ANO4: variants seen among roughly 807,000 people sequenced by gnomAD.
ANO4 encodes anoctamin-4.
A neutral mutation model predicts 141.9 loss-of-function variants in ANO4; 69 were observed. That is an observed-to-expected ratio of 0.49 (90% CI 0.40 to 0.59). The LOEUF is 0.59. ANO4 is among the 20% of genes least tolerant of loss of function. The pLI, the probability that ANO4 is intolerant of heterozygous loss-of-function variation, is 0.00. For synonymous variants in ANO4, 350 were observed against 394.3 expected, an observed-to-expected ratio of 0.89 and a Z score of 1.33; for missense variants, 894 against 1,162.2, an observed-to-expected ratio of 0.77 and a Z score of 3.36.
At chr12:100,992,447 C>A (rs950721712) in intron 8 of ANO4, among the ~76,000 whole-genome samples, 2 of 152,144 alleles carry the variant, frequency 1.3e-5, no homozygotes, top group African/African-American at 4.8e-5. Flanking sequence ...GAATTCTCTT[C>A]CGATTCTTTC....
Position 100,877,698 on chromosome 12 carries a change from G to A in ANO4, c.-140-23948G>A, listed in dbSNP as rs2039382544. ...ATATCCATTTGCTGTCAACATCGTCGAGTGATGTTTTTTTCTCCAGCATCT... is the reference window on the plus strand; with the variant it reads ...ATATCCATTTGCTGTCAACATCGTCAAGTGATGTTTTTTTCTCCAGCATCT... On this transcript the variant is annotated intron_variant, in intron 1 of 27. Transcript: ENST00000392977. 2.0e-5 allele frequency among the ~76,000 whole-genome samples: 3 copies of A among 149,564 alleles called. No individual in the cohort carries two copies. The Admixed American group carries it at 2.0e-4, about 10-fold the overall frequency.
At chr12:100,903,277 A>G (rs532850358) in intron 2 of ANO4, among the ~76,000 whole-genome samples, 165 of 152,088 alleles carry the variant, frequency 1.1e-3, no homozygotes, top group Non-Finnish European at 1.7e-3. Context: ...CTTGGCTTCC[A>G]TGACAATCTT....
At chr12:100,894,419 A>G (rs2040242644) in intron 1 of ANO4, among the ~76,000 whole-genome samples, 1 of 152,026 alleles carries the variant, frequency 6.6e-6, no homozygotes, top group African/African-American at 2.4e-5. Context: ...TAGAACTCAT[A>G]CTACTCTCAG....
chr12:100,923,578 A>G (rs1425580062), intron 3 of ANO4, among the ~76,000 whole-genome samples: 4 of 152,112 alleles, frequency 2.6e-5, no homozygotes, highest in Non-Finnish European at 5.9e-5. Context: ...GCTATTGTGA[A>G]TAGTGCCGCA....
intron 7 of ANO4, among the ~76,000 whole-genome samples, chr12:100,983,306 T>G (rs866676145): frequency 1.3e-5 from 2 of 152,062 alleles, no homozygotes; most frequent in Non-Finnish European, 2.9e-5. Context: ...TTTTAAGAGG[T>G]GTATTCATTT....
At chr12:100,763,364 A>C (rs2032955591) in intron 3 of ANO4, among the ~76,000 whole-genome samples, 1 of 152,168 alleles carries the variant, frequency 6.6e-6, no homozygotes, top group African/African-American at 2.4e-5. Context: ...GAAGCAGTTG[A>C]GCCATAACAG....
chr12:101,076,040 G>A (rs1224714253), intron 14 of ANO4, among the ~76,000 whole-genome samples: 2 of 152,180 alleles, frequency 1.3e-5, no homozygotes, highest in African/African-American at 4.8e-5. Context: ...AGTTGCACAA[G>A]CAGCTAATTT....
intron 9 of ANO4, among the ~76,000 whole-genome samples, chr12:101,026,669 C>T (rs545610470): frequency 6.6e-6 from 1 of 152,238 alleles, no homozygotes; most frequent in East Asian, 1.9e-4. Context: ...GACTTTTCAA[C>T]ATATGATACT....
At chr12:101,018,664 A>G (rs1279329512) in intron 8 of ANO4, among the ~76,000 whole-genome samples, 1 of 152,178 alleles carries the variant, frequency 6.6e-6, no homozygotes, top group African/African-American at 2.4e-5. Context: ...ATCATAAATT[A>G]CCATGACCCT....
Position 101,086,472 on chromosome 12 carries a change from TA to T in ANO4, c.1537-180del, listed in dbSNP as rs529536950. 7.5e-3 allele frequency among the ~76,000 whole-genome samples: 1,137 copies of T among 151,944 alleles called. 10 individuals carry two copies. Among genetic ancestry groups the T allele is most frequent in the Non-Finnish European group, 0.013 (885 of 67,936 alleles). On this transcript the variant is annotated intron_variant, in intron 16 of 27. Coordinates refer to ENST00000392977, the MANE Select transcript of ANO4 (RefSeq NM_001286615.2). The stretch of plus-strand genomic sequence containing the variant: ...AAGCGTGTAGTTCTTTTATTTTAAT[TA>T]AAAAAAATAGAAAAAGGCAAGAGAA...
intron 26 of ANO4, among the ~76,000 whole-genome samples, chr12:101,121,753 CTTTTTTTTTT>C (rs71091478): frequency 5.0e-4 from 55 of 110,404 alleles, no homozygotes; most frequent in African/African-American, 6.1e-4. Flanking sequence ...AATTTGTTTA[CTTTTTTTTTT>C]TTTTTTTTTT....
intron 5 of ANO4, among the ~76,000 whole-genome samples, chr12:100,966,615 A>G (rs1391036588): frequency 6.6e-6 from 1 of 151,984 alleles, no homozygotes; most frequent in Non-Finnish European, 1.5e-5. Flanking sequence ...TACCCACAAG[A>G]CATCTTCTCC....
At chr12:101,063,143 TC>T (rs1380380154) in intron 14 of ANO4, among the ~76,000 whole-genome samples, 1 of 152,160 alleles carries the variant, frequency 6.6e-6, no homozygotes, top group Non-Finnish European at 1.5e-5. Context: ...GGGAGGGAGT[TC>T]CCCGACCCCT....
chr12:100,827,911 A>G (rs1046691189), intron 1 of ANO4, among the ~76,000 whole-genome samples: 5 of 151,880 alleles, frequency 3.3e-5, no homozygotes, highest in Admixed American at 6.6e-5. Context: ...TCTAACATAT[A>G]TATGTTGGGG....
At chr12:100,992,481 T>C (rs1400719459) in intron 8 of ANO4, among the ~76,000 whole-genome samples, 1 of 152,184 alleles carries the variant, frequency 6.6e-6, no homozygotes, top group African/African-American at 2.4e-5. Flanking sequence ...TATGCTGTTA[T>C]TCATCCTCCA....
intron 9 of ANO4, 130 bp downstream of exon 9, chr12:101,020,270 G>A: frequency 1.6e-6 from 1 of 624,142 alleles, no homozygotes; most frequent in South Asian, 2.1e-5. Context: ...CTAATCCTTT[G>A]ATGAATAATT....
intron 9 of ANO4, among the ~76,000 whole-genome samples, chr12:101,030,922 C>G (rs2046949061): frequency 6.6e-6 from 1 of 152,186 alleles, no homozygotes; most frequent in African/African-American, 2.4e-5. Flanking sequence ...GTAACAAGTT[C>G]TGAAATTGAG....
intron 1 of ANO4, among the ~76,000 whole-genome samples, chr12:100,827,282 G>A (rs549612063): frequency 5.4e-4 from 82 of 151,922 alleles, no homozygotes; most frequent in Middle Eastern, 3.4e-3. Context: ...CTTTGTACTC[G>A]CGATTCCCTG....
chr12:100,980,880 C>A (rs1216941747), intron 7 of ANO4, among the ~76,000 whole-genome samples: 2 of 151,966 alleles, frequency 1.3e-5, no homozygotes, highest in African/African-American at 4.8e-5. Flanking sequence ...AATTTATCAT[C>A]TTTTGGCTGC....
Sources: gnomAD v4.1 joint callset for allele counts (sites outside exome capture counted in the v4.1 genomes callset) on GRCh38, gnomAD v4.1.1 for gene constraint, MANE v1.5 for transcripts, NCBI Gene and HGNC (gene_info 2026-07-23, HGNC 2026-07-21) for gene names.